The following KCNAB1 variants were observed in gnomAD, a reference collection of about 807,000 sequenced individuals.
KCNAB1 encodes potassium voltage-gated channel subfamily A regulatory beta subunit 1.
In KCNAB1, 35 loss-of-function variants were observed where a neutral mutation model predicts 64.6. The ratio of observed to expected loss-of-function variants is 0.54; its 90% CI spans 0.41 to 0.72. KCNAB1 has a LOEUF of 0.72. Among genes scored for constraint, KCNAB1 ranks in the 30% least tolerant of loss-of-function variants. The pLI is 0.00. For missense variants in KCNAB1, 401 were observed against 512.9 expected (o/e 0.78, Z 2.11); for synonymous variants, 177 against 183.8 (o/e 0.96, Z 0.30).
chr3:156,157,890 A>G (rs1188825940), intron 1 of KCNAB1, among the ~76,000 whole-genome samples: 1 of 152,122 alleles, frequency 6.6e-6, no homozygotes, highest in African/African-American at 2.4e-5. Flanking sequence ...GTATTACTAT[A>G]ATAAAAGGGC....
chr3:156,332,943 A>T (rs1209204154), intron 1 of KCNAB1, among the ~76,000 whole-genome samples: 2 of 152,122 alleles, frequency 1.3e-5, no homozygotes, highest in African/African-American at 4.8e-5. Flanking sequence ...TCTCAAAATT[A>T]TGTATCTTTT....
Position 156,178,026 on chromosome 3 carries a change from G to A in KCNAB1, c.275+57140G>A, listed in dbSNP as rs969457601. 2.6e-5 allele frequency among the ~76,000 whole-genome samples: 4 copies of A among 152,146 alleles called. No homozygotes were observed. In the South Asian group the frequency reaches 6.2e-4, roughly 24 times the overall value. ...GCTGGGATTACAGGTGTGAGCCACC[G>A]CACCCCGCCCATATCCAAATTTTAC... is the stretch of plus-strand genomic sequence containing the variant. On this transcript the variant is annotated intron_variant, in intron 1 of 13. Transcript: ENST00000490337.
chr3:156,142,982 A>G, intron 1 of KCNAB1: 1 of 1,271,314 alleles, frequency 7.9e-7, no homozygotes, highest in Non-Finnish European at 9.9e-7. Flanking sequence ...CTGGGCAGGG[A>G]CACACAACCA....
chr3:156,457,368 C>T, intron 3 of KCNAB1, 85 bp from the exon 4 acceptor site: 1 of 1,594,754 alleles, frequency 6.3e-7, no homozygotes, highest in East Asian at 2.2e-5. Flanking sequence ...GGTCAGTGTT[C>T]CTAAAGACCG....
At chr3:156,152,455 G>T (rs1715470066) in intron 1 of KCNAB1, among the ~76,000 whole-genome samples, 1 of 152,186 alleles carries the variant, frequency 6.6e-6, no homozygotes, top group Admixed American at 6.5e-5. Flanking sequence ...TATGGATTCT[G>T]GCCTTAGCTT....
In KCNAB1 at chr3:156,523,914, C is replaced by G; in HGVS notation, c.1048C>G (p.Arg350Gly). The G allele has an allele frequency of 6.2e-7, 1 of 1,613,962 alleles. No homozygotes were observed. The highest frequency in any genetic ancestry group is 8.5e-7 in the Non-Finnish European group (1 of 1,179,918). The change falls in exon 12 of 14, where the codon CGT becomes GGT. Residue 350 changes from arginine (R) to glycine (G), a missense_variant. By Grantham distance (125) the Arg-to-Gly change is moderately radical. Coordinates refer to ENST00000490337, the MANE Select transcript of KCNAB1 (RefSeq NM_172160.3). ...KLKDLSPIAERLGCTLPQLAV... is the reference protein window; with the variant it reads ...KLKDLSPIAEGLGCTLPQLAV... ...AAAAGACCTTTCCCCAATTGCGGAG[C>G]GTCTGGGATGCACACTACCTCAGCT...
chr3:156,317,041 T>C (rs1722321422), intron 1 of KCNAB1, among the ~76,000 whole-genome samples: 1 of 152,202 alleles, frequency 6.6e-6, no homozygotes, highest in Non-Finnish European at 1.5e-5. Flanking sequence ...TAAATGTTAG[T>C]TGTTAGAATG....
chr3:156,243,236 T>C (rs903971483), intron 1 of KCNAB1, among the ~76,000 whole-genome samples: 1 of 150,928 alleles, frequency 6.6e-6, no homozygotes, highest in African/African-American at 2.4e-5. Flanking sequence ...TTAAATTTTT[T>C]ATTTTTCAGA....
chr3:156,292,132 TGC>T (rs778699194), intron 1 of KCNAB1: 2 of 1,613,760 alleles, frequency 1.2e-6, no homozygotes, highest in South Asian at 2.2e-5. Flanking sequence ...AATATAGGTA[TGC>T]ACGTAAGATT....
rs886130347 is a variant in KCNAB1, at chr3:156,452,148, G to A, written c.320-751G>A. ...GGAAGGGAATAAATCCTCCTTTTAG[G>A]AGGATCTATCCATAAAGGATGGAAT... On this transcript the variant is annotated intron_variant, in intron 2 of 13. Transcript: ENST00000490337. The surrounding 1 kb of genome is among the most constrained non-coding windows in gnomAD (Gnocchi z 4.6). 7.2e-5 allele frequency among the ~76,000 whole-genome samples: 11 copies of A among 152,168 alleles called. No homozygotes were observed. The highest frequency in any genetic ancestry group is 1.3e-4 in the Admixed American group (2 of 15,280).
chr3:156,478,311 A>G (rs1372084685), intron 8 of KCNAB1, among the ~76,000 whole-genome samples: 1 of 152,176 alleles, frequency 6.6e-6, no homozygotes, highest in African/African-American at 2.4e-5. Flanking sequence ...TTGAGTATTT[A>G]TATATTAAAT....
At chr3:156,514,571 A>C in intron 9 of KCNAB1, 122 bp downstream of exon 9, 1 of 688,860 alleles carries the variant, frequency 1.5e-6, no homozygotes, top group East Asian at 2.7e-5. Flanking sequence ...CTGGAATTCT[A>C]GAATCAATTC....
rs1716948448 is a variant in KCNAB1 at position 156,508,197 on chromosome 3, T to C, written c.659-6167T>C. ...TTCCTCATCTAGAATAAGAAGGAAC[T>C]GCACTGGATTACCTCTAAGGCTTCT... On this transcript the variant is annotated intron_variant, in intron 8 of 13. Coordinates refer to ENST00000490337, the MANE Select transcript of KCNAB1 (RefSeq NM_172160.3). The surrounding 1 kb of genome is among the most constrained non-coding windows in gnomAD (Gnocchi z 4.1). Among the ~76,000 whole-genome samples, 1 of 152,234 alleles carries C rather than the reference T, an allele frequency of 6.6e-6. No homozygotes were observed. The highest frequency in any genetic ancestry group is 1.5e-5 in the Non-Finnish European group (1 of 68,036).
chr3:156,250,145 G>A (rs1328430801), intron 1 of KCNAB1, among the ~76,000 whole-genome samples: 1 of 152,134 alleles, frequency 6.6e-6, no homozygotes, highest in Non-Finnish European at 1.5e-5. Flanking sequence ...AAGCTTGGAG[G>A]GAGAAATTGA....
chr3:156,519,069 A>G (rs537304248), intron 11 of KCNAB1, among the ~76,000 whole-genome samples: 96 of 152,290 alleles, frequency 6.3e-4, no homozygotes, highest in African/African-American at 2.2e-3. Flanking sequence ...TCTTGACTCT[A>G]AGATCCATCT....
At chr3:156,282,971 A>T (rs1428691250) in intron 1 of KCNAB1, among the ~76,000 whole-genome samples, 1 of 149,598 alleles carries the variant, frequency 6.7e-6, no homozygotes, top group African/African-American at 2.4e-5. Flanking sequence ...TTACATTTAA[A>T]GTTAATATTG....
chr3:156,210,035 C>T (rs932191684), intron 1 of KCNAB1, among the ~76,000 whole-genome samples: 9 of 152,214 alleles, frequency 5.9e-5, no homozygotes, highest in African/African-American at 2.2e-4. Flanking sequence ...CCCTGCTTCC[C>T]TGCAGGACAT....
rs147499863 is a variant in KCNAB1, at chr3:156,193,673, C to A, written c.275+72787C>A. On this transcript the variant is annotated intron_variant, in intron 1 of 13. Coordinates refer to ENST00000490337, the MANE Select transcript of KCNAB1 (RefSeq NM_172160.3). ...AGCCCCTTATAAAACCATCAGATCTCATGAGAACTCAGTCGTCACTATCAT... is the reference window on the plus strand; with the variant it reads ...AGCCCCTTATAAAACCATCAGATCTAATGAGAACTCAGTCGTCACTATCAT... Among the ~76,000 whole-genome samples the A allele has an allele frequency of 2.6e-3, 390 of 152,194 alleles. 4 individuals carry two copies. The highest frequency in any genetic ancestry group is 0.017 in the Admixed American group (265 of 15,268).
At chr3:156,190,681 A>G (rs905100496) in intron 1 of KCNAB1, among the ~76,000 whole-genome samples, 2 of 152,086 alleles carry the variant, frequency 1.3e-5, no homozygotes, top group Non-Finnish European at 2.9e-5. Flanking sequence ...AGAAAATAGG[A>G]AAGCACTTTT....
Sources: allele counts gnomAD v4.1 joint callset (sites outside exome capture counted in the v4.1 genomes callset), GRCh38; gene constraint gnomAD v4.1.1; non-coding constraint Gnocchi (gnomAD v3.1); transcripts MANE v1.5; gene names NCBI Gene and HGNC (gene_info 2026-07-23, HGNC 2026-07-21).